Variants in CFHR5 observed in about 807,000 individuals in gnomAD.
The protein encoded by CFHR5 is complement factor H related 5.
In CFHR5, 73 loss-of-function variants were observed where a neutral mutation model predicts 62.9. The observed-to-expected ratio is 1.16, with a 90% CI of 0.96 to 1.41. The LOEUF (loss-of-function observed/expected upper bound fraction) is 1.41. CFHR5 is among the 40% of genes most tolerant of loss of function. CFHR5 has a pLI of 0.00. For synonymous variants in CFHR5, 249 were observed against 227.2 expected (o/e 1.10, Z -0.86); for missense variants, 779 against 679.9 (o/e 1.15, Z -1.62).
chr1:196,994,357 G>A, intron 4 of CFHR5, 101 bp downstream of exon 4: 1 of 988,358 alleles, frequency 1.0e-6, no homozygotes, highest in Non-Finnish European at 1.6e-6. Context: ...ATCTGACAAA[G>A]TGGTAAAATG....
intron 9 of CFHR5, 114 bp downstream of exon 9, chr1:197,004,957 T>C (rs1654250010): frequency 3.5e-6 from 3 of 857,776 alleles, no homozygotes; most frequent in Admixed American, 2.2e-5. Flanking sequence ...AAATCTTTCC[T>C]GTCAAATGTA....
intron 3 of CFHR5, among the ~76,000 whole-genome samples, chr1:196,987,445 G>A (rs1262330424): frequency 2.6e-5 from 4 of 152,160 alleles, no homozygotes; most frequent in Non-Finnish European, 5.9e-5. Context: ...CCATGCCTTT[G>A]TCCTGAATGC....
chr1:196,999,123 T>C (rs187563888), intron 7 of CFHR5, among the ~76,000 whole-genome samples: 1 of 151,892 alleles, frequency 6.6e-6, no homozygotes, highest in Non-Finnish European at 1.5e-5. Context: ...ACATTAATGA[T>C]ATAAAATACT....
intron 3 of CFHR5, among the ~76,000 whole-genome samples, chr1:196,984,860 G>A (rs1377020530): frequency 3.9e-5 from 6 of 152,230 alleles, no homozygotes; most frequent in Admixed American, 1.3e-4. Flanking sequence ...CACCAAGACT[G>A]ACCTTACTAG....
intron 3 of CFHR5, among the ~76,000 whole-genome samples, chr1:196,988,066 C>T (rs1357318545): frequency 5.3e-5 from 8 of 152,080 alleles, no homozygotes; most frequent in South Asian, 2.1e-4. Context: ...TTGTAGTTCT[C>T]CTTGAAGAGA....
intron 3 of CFHR5, among the ~76,000 whole-genome samples, chr1:196,993,298 T>C (rs370508094): frequency 2.6e-5 from 4 of 152,204 alleles, no homozygotes; most frequent in African/African-American, 9.7e-5. Flanking sequence ...GTGTTTCACA[T>C]ATCTACTGTT....
intron 2 of CFHR5, 125 bp downstream of exon 2, chr1:196,983,204 T>C: frequency 1.6e-6 from 2 of 1,236,666 alleles, no homozygotes; most frequent in Non-Finnish European, 1.2e-6. Context: ...AAATGGGAGA[T>C]GTAGTCCTCC....
chr1:196,998,252 C>T lies in CFHR5; in HGVS notation c.1095C>T (p.Tyr365=). Residue 365 remains tyrosine (Y), a synonymous_variant, in exon 7 of 10, where the codon TAC becomes TAT. Transcript: ENST00000256785. ...IRYRCSDIFR[Y]RHSVCINGKW... Reference sequence around the variant, plus strand: ...ACAGATGTTCAGACATCTTCAGATACAGGCACTCAGTCTGTATAAACGGGA... The same window carrying T: ...ACAGATGTTCAGACATCTTCAGATATAGGCACTCAGTCTGTATAAACGGGA... 2 of 1,611,218 alleles carry T rather than the reference C, an allele frequency of 1.2e-6. No homozygotes were observed. The highest frequency in any genetic ancestry group is 1.7e-6 in the Non-Finnish European group (2 of 1,178,332).
At position 196,994,164 on chromosome 1, in the gene CFHR5, A is replaced by G; in HGVS notation, c.515A>G (p.Lys172Arg). The G allele has an allele frequency of 2.5e-6, 4 of 1,613,602 alleles. No individual in the cohort carries two copies. The South Asian group carries it at 4.4e-5, about 18-fold the overall frequency. ...AGCTACAAAGTTGGAGACGTGTTGA[A>G]ATTCTCCTGCAGAAAAAATCTTATA... The part of the protein sequence containing the change: ...KESYKVGDVL[K>R]FSCRKNLIRV... Residue 172 changes from lysine to arginine, a missense_variant, in exon 4 of 10, where the codon AAA becomes AGA. Coordinates refer to ENST00000256785, the MANE Select transcript of CFHR5 (RefSeq NM_030787.4).
At chr1:196,975,173 A>G (rs1193298057), upstream of CFHR5, among the ~76,000 whole-genome samples, 37 of 152,320 alleles carry the variant, frequency 2.4e-4, 1 homozygote, top group Admixed American at 2.4e-3. Context: ...GTTTTGACCA[A>G]TGGATTTGAT....
intron 3 of CFHR5, among the ~76,000 whole-genome samples, chr1:196,988,268 G>A: frequency 6.6e-6 from 1 of 152,016 alleles, no homozygotes. Context: ...GGAGATTTTG[G>A]GCTGAGACGA....
chr1:196,982,344 A>G (rs891501472), intron 1 of CFHR5, among the ~76,000 whole-genome samples: 1 of 152,174 alleles, frequency 6.6e-6, no homozygotes, highest in Admixed American at 6.5e-5. Flanking sequence ...CATATTTCAT[A>G]TCATTCCAAA....
intron 9 of CFHR5, among the ~76,000 whole-genome samples, chr1:197,005,517 C>T (rs1232455636): frequency 6.6e-6 from 1 of 152,038 alleles, no homozygotes; most frequent in Non-Finnish European, 1.5e-5. Context: ...ACTTTTAGGG[C>T]TTAAAAGGAG....
chr1:196,985,025 G>T (rs1653644347), intron 3 of CFHR5, among the ~76,000 whole-genome samples: 1 of 152,028 alleles, frequency 6.6e-6, no homozygotes, highest in South Asian at 2.1e-4. Flanking sequence ...TCACAGTTCT[G>T]TACTGGGTGA....
At chr1:197,005,616 C>T (rs1175885223) in intron 9 of CFHR5, among the ~76,000 whole-genome samples, 4 of 152,088 alleles carry the variant, frequency 2.6e-5, no homozygotes, top group Admixed American at 6.5e-5. Context: ...AAAGCATGAA[C>T]GTCAGTTTAC....
At chr1:196,981,237 A>G (rs1295183852) in intron 1 of CFHR5, among the ~76,000 whole-genome samples, 2 of 152,194 alleles carry the variant, frequency 1.3e-5, no homozygotes, top group Admixed American at 6.5e-5. Context: ...CTTGAGCTAA[A>G]AAATGAGCAC....
rs370810049 is a variant in CFHR5 at position 197,002,664 on chromosome 1, G to A, written c.1330G>A (p.Glu444Lys). 3.7e-6 allele frequency: 6 copies of A among 1,610,714 alleles called. No homozygotes were observed. The South Asian group carries it at 5.5e-5, about 15-fold the overall frequency. The change falls in exon 8 of 10, where the codon GAG becomes AAG. Residue 444 changes from glutamate (E) to lysine (K), a missense_variant and splice_region_variant. Glu to Lys is a moderately conservative substitution (Grantham distance 56). Transcript: ENST00000256785. ...GRWQSLPRCV[E>K]STAYCGPPPS... ...ATGGCAATCATTACCACGCTGTGTT[G>A]GTTAGTAGTTTATTTCTAAGTAATT...
intron 4 of CFHR5, among the ~76,000 whole-genome samples, chr1:196,995,046 G>A (rs1318323249): frequency 3.3e-5 from 5 of 152,126 alleles, no homozygotes; most frequent in Admixed American, 6.5e-5. Flanking sequence ...AGATTTGGGT[G>A]AGGACACAGC....
At chr1:197,002,018 G>C (rs528060394) in intron 7 of CFHR5, among the ~76,000 whole-genome samples, 2 of 152,202 alleles carry the variant, frequency 1.3e-5, no homozygotes, top group African/African-American at 4.8e-5. Flanking sequence ...ATGTTTACAA[G>C]AAAATGCAAG....
Sources: allele counts gnomAD v4.1 joint callset (sites outside exome capture counted in the v4.1 genomes callset), GRCh38; gene constraint gnomAD v4.1.1; transcripts MANE v1.5; gene names NCBI Gene and HGNC (gene_info 2026-07-23, HGNC 2026-07-21).